Variants in CADM2 observed in about 807,000 individuals in gnomAD.
CADM2 encodes the protein cell adhesion molecule 2.
A neutral mutation model predicts 49.8 loss-of-function variants in CADM2; 12 were observed. The observed-to-expected ratio is 0.24, with a 90% CI of 0.15 to 0.39. The LOEUF is 0.39. CADM2 is among the 10% of genes least tolerant of loss of function. The probability of loss-of-function intolerance (pLI) is 1.00; values close to 1 mark genes in which losing one functional copy is unlikely to be tolerated. For missense variants in CADM2, 378 were observed against 492.3 expected, an observed-to-expected ratio of 0.77 and a Z score of 2.20; for synonymous variants, 214 against 175.4, an observed-to-expected ratio of 1.22 and a Z score of -1.74.
At chr3:85,087,021 AG>A (rs1431853146) in intron 1 of CADM2, among the ~76,000 whole-genome samples, 2 of 152,170 alleles carry the variant, frequency 1.3e-5, no homozygotes, top group Non-Finnish European at 2.9e-5. Flanking sequence ...TAAAGAAAAA[AG>A]AAGAGTTCTG....
chr3:85,371,235 A>G (rs1197938487), intron 1 of CADM2, among the ~76,000 whole-genome samples: 1 of 152,108 alleles, frequency 6.6e-6, no homozygotes, highest in Non-Finnish European at 1.5e-5. Context: ...AGTTCTTCAC[A>G]TTCACTCACC....
At chr3:85,692,783 T>A (rs1057222360) in intron 1 of CADM2, among the ~76,000 whole-genome samples, 3 of 152,186 alleles carry the variant, frequency 2.0e-5, no homozygotes, top group African/African-American at 7.2e-5. Flanking sequence ...ATAAGAAATA[T>A]TTAGCGTGTA....
At chr3:86,021,954 A>G (rs1489797945) in intron 8 of CADM2, among the ~76,000 whole-genome samples, 1 of 152,190 alleles carries the variant, frequency 6.6e-6, no homozygotes, top group Admixed American at 6.5e-5. Flanking sequence ...TATGGGATTC[A>G]TGCTAAATGA....
At chr3:85,230,209 GGTAGA>G (rs781208836) in intron 1 of CADM2, among the ~76,000 whole-genome samples, 10,055 of 152,136 alleles carry the variant, frequency 0.066, 1,088 homozygotes, top group African/African-American at 0.23. Flanking sequence ...GGCATATGGT[GGTAGA>G]CTTCAGATCT....
intron 1 of CADM2, among the ~76,000 whole-genome samples, chr3:85,475,875 A>T (rs557699003): frequency 6.6e-6 from 1 of 152,046 alleles, no homozygotes; most frequent in Admixed American, 6.6e-5. Context: ...AATTAAAATC[A>T]ATTGATATAC....
intron 6 of CADM2, among the ~76,000 whole-genome samples, chr3:85,924,088 T>C (rs1002095350): frequency 5.3e-5 from 8 of 152,222 alleles, no homozygotes; most frequent in Non-Finnish European, 1.2e-4. Flanking sequence ...TTTCATAATG[T>C]ATCTTAGATT....
At chr3:85,463,723 A>G (rs1297218281) in intron 1 of CADM2, among the ~76,000 whole-genome samples, 2 of 152,138 alleles carry the variant, frequency 1.3e-5, no homozygotes, top group African/African-American at 4.8e-5. Flanking sequence ...TGTGGAAAAT[A>G]ATTTTACTGG....
chr3:85,406,708 CTT>C (rs2035395609), intron 1 of CADM2, among the ~76,000 whole-genome samples: 1 of 152,128 alleles, frequency 6.6e-6, no homozygotes, highest in African/African-American at 2.4e-5. Context: ...CTTGACACCT[CTT>C]TGTTTTTCAT....
At chr3:86,013,828 A>C in intron 8 of CADM2, 4 of 1,590,664 alleles carry the variant, frequency 2.5e-6, no homozygotes, top group Non-Finnish European at 3.4e-6. Flanking sequence ...GGTCAGGCTT[A>C]CATTGTGTCT....
At chr3:85,141,034 A>T (rs1407925362) in intron 1 of CADM2, among the ~76,000 whole-genome samples, 1 of 152,174 alleles carries the variant, frequency 6.6e-6, no homozygotes, top group East Asian at 1.9e-4. Flanking sequence ...TTAGTCAGAG[A>T]CTAAATATAT....
At chr3:85,381,696 C>T (rs1006194194) in intron 1 of CADM2, among the ~76,000 whole-genome samples, 6 of 151,644 alleles carry the variant, frequency 4.0e-5, no homozygotes, top group Non-Finnish European at 8.8e-5. Context: ...CACTATCCAC[C>T]TCCTAAAAAT....
intron 2 of CADM2, among the ~76,000 whole-genome samples, chr3:85,762,613 C>CTCTCTCTGTCTCTG (rs1553682286): frequency 1.4e-5 from 2 of 147,978 alleles, no homozygotes; most frequent in African/African-American, 5.0e-5. Context: ...CTCTCTCTCT[C>CTCTCTCTGTCTCTG]TCTCTCTCTG....
intron 8 of CADM2, among the ~76,000 whole-genome samples, chr3:86,025,681 A>G (rs555880751): frequency 5.9e-5 from 9 of 152,304 alleles, no homozygotes; most frequent in African/African-American, 2.2e-4. Context: ...TTATAAATTC[A>G]TAGAGTAATT....
chr3:85,709,062 G>A (rs766597513), intron 1 of CADM2, among the ~76,000 whole-genome samples: 4 of 151,966 alleles, frequency 2.6e-5, no homozygotes, highest in Non-Finnish European at 5.9e-5. Flanking sequence ...TAGGAAATTA[G>A]TAATAAAATC....
At chr3:85,288,795 C>T (rs889973864) in intron 1 of CADM2, among the ~76,000 whole-genome samples, 2 of 131,354 alleles carry the variant, frequency 1.5e-5, no homozygotes, top group Admixed American at 7.7e-5. Flanking sequence ...CCCCCCCCCC[C>T]TCTTTTTTTC....
At chr3:85,825,174 T>G (rs1320210034) in intron 3 of CADM2, among the ~76,000 whole-genome samples, 5 of 151,992 alleles carry the variant, frequency 3.3e-5, no homozygotes, top group African/African-American at 1.2e-4. Context: ...TGATAAGCAT[T>G]TAAAGTACAA....
intron 5 of CADM2, among the ~76,000 whole-genome samples, chr3:85,909,421 A>G (rs201623185): frequency 8.8e-6 from 1 of 114,180 alleles, no homozygotes; most frequent in Admixed American, 9.3e-5. Context: ...TATATATATA[A>G]TGTCCAATGG....
rs182350292 is a variant in CADM2 at position 85,009,301 on chromosome 3, T to C, written c.61+49633T>C. Among the ~76,000 whole-genome samples, 15 of 152,322 alleles carry C rather than the reference T, an allele frequency of 9.8e-5. No individual in the cohort carries two copies. In the East Asian group the frequency reaches 1.9e-3, roughly 20 times the overall value. On this transcript the variant is annotated intron_variant, in intron 1 of 9. Transcript: ENST00000383699. The stretch of plus-strand genomic sequence containing the variant: ...TAATATATAAAAGTTATCAGAGTGA[T>C]AAATATGAGTGGAAGATAGAAATTA...
At chr3:85,700,575 T>G (rs528577719) in intron 1 of CADM2, among the ~76,000 whole-genome samples, 17 of 152,328 alleles carry the variant, frequency 1.1e-4, no homozygotes, top group African/African-American at 4.1e-4. Flanking sequence ...AGGACACATC[T>G]TGAAAGCTTT....
Sources: gnomAD v4.1 joint callset for allele counts (sites outside exome capture counted in the v4.1 genomes callset) on GRCh38, gnomAD v4.1.1 for gene constraint, MANE v1.5 for transcripts, NCBI Gene and HGNC (gene_info 2026-07-23, HGNC 2026-07-21) for gene names.